Variants in AP3M1 observed in about 807,000 individuals in gnomAD.
AP3M1 encodes the protein adaptor related protein complex 3 subunit mu 1.
AP3M1 carries 29 observed loss-of-function variants against 42.6 expected under a neutral mutation model. The ratio of observed to expected loss-of-function variants is 0.68; its 90% CI spans 0.51 to 0.93. AP3M1 has a LOEUF of 0.93. AP3M1 is among the 40% of genes least tolerant of loss of function. The pLI is 0.00. For synonymous variants in AP3M1, 178 were observed against 175.3 expected (o/e 1.02, Z -0.12); for missense variants, 416 against 510.2 (o/e 0.82, Z 1.78).
Position 74,144,961 on chromosome 10 carries a change from C to G in AP3M1, c.-4+5794G>C, listed in dbSNP as rs564719642. Among the ~76,000 whole-genome samples the G allele has an allele frequency of 3.3e-5, 5 of 152,250 alleles. No homozygotes were observed. The South Asian group carries it at 6.2e-4, about 19-fold the overall frequency. Reference sequence around the variant, plus strand: ...ACAGGCATGAGCCACTGCACCCAGCCTAGCTTATGATTTAAGAGGAGGAGG... The same window carrying G: ...ACAGGCATGAGCCACTGCACCCAGCGTAGCTTATGATTTAAGAGGAGGAGG... On this transcript the variant is annotated intron_variant, in intron 1 of 8. Transcript: ENST00000355264.
In AP3M1 at chr10:74,129,114, G is replaced by A. The variant is rs1840700739; in HGVS notation, c.797C>T (p.Ser266Leu). The change falls in exon 6 of 9, where the codon TCA becomes TTA. Residue 266 changes from serine (S) to leucine (L), a missense_variant. Coordinates refer to ENST00000355264, the MANE Select transcript of AP3M1 (RefSeq NM_012095.6). ...GGCTGATGCATCAACATACTTTTGT[G>A]AGCTGACACGGTATGATATGAGTCG... ...NFRLISYRVS[S>L]QNLVAIPVYV... 1 of 1,613,952 alleles carries A rather than the reference G, an allele frequency of 6.2e-7. No homozygotes were observed.
At chr10:74,146,052 C>T (rs1208126887) in intron 1 of AP3M1, among the ~76,000 whole-genome samples, 1 of 152,132 alleles carries the variant, frequency 6.6e-6, no homozygotes, top group African/African-American at 2.4e-5. Flanking sequence ...TTCCTATACT[C>T]ACAGCATTTA....
At chr10:74,124,281 T>A (rs1840551639) in intron 8 of AP3M1, 99 bp downstream of exon 8, 6 of 1,441,072 alleles carry the variant, frequency 4.2e-6, no homozygotes, top group Non-Finnish European at 4.7e-6. Flanking sequence ...GGGCTACTGC[T>A]CTTTCTAGAG....
intron 6 of AP3M1, 41 bp from the exon 7 acceptor site, chr10:74,126,396 A>C: frequency 6.5e-7 from 1 of 1,538,152 alleles, no homozygotes; most frequent in Non-Finnish European, 9.0e-7. Flanking sequence ...GCACAAACAC[A>C]ATTAATGGTG....
chr10:74,133,972 C>CT (rs1479231300), intron 4 of AP3M1, 55 bp downstream of exon 4: 102 of 1,598,958 alleles, frequency 6.4e-5, no homozygotes, highest in Non-Finnish European at 8.4e-5. Context: ...GTTTTCTATT[C>CT]ATCTGTGTCA....
chr10:74,140,960 TG>T (rs1291924906), intron 1 of AP3M1, among the ~76,000 whole-genome samples: 1 of 152,190 alleles, frequency 6.6e-6, no homozygotes, highest in African/African-American at 2.4e-5. Flanking sequence ...GATTAGACAA[TG>T]TTTTTTAAGA....
intron 1 of AP3M1, among the ~76,000 whole-genome samples, chr10:74,148,010 T>A (rs1304750726): frequency 6.6e-6 from 1 of 150,942 alleles, no homozygotes; most frequent in East Asian, 1.9e-4. Context: ...AAAAAAAAAA[T>A]AGTTTTGGTG....
chr10:74,128,345 C>G (rs1413990796), intron 6 of AP3M1, among the ~76,000 whole-genome samples: 1 of 151,030 alleles, frequency 6.6e-6, no homozygotes, highest in Non-Finnish European at 1.5e-5. Flanking sequence ...TCAAGTGATT[C>G]TCATGCCTCA....
At chr10:74,126,518 T>C (rs1260906591) in intron 6 of AP3M1, among the ~76,000 whole-genome samples, 163 bp from the exon 7 acceptor site, 1 of 152,168 alleles carries the variant, frequency 6.6e-6, no homozygotes, top group Non-Finnish European at 1.5e-5. Flanking sequence ...CAGTTCTGCA[T>C]CCTTGAATTT....
At chr10:74,144,290 G>C (rs544289186) in intron 1 of AP3M1, among the ~76,000 whole-genome samples, 23 of 151,336 alleles carry the variant, frequency 1.5e-4, no homozygotes, top group African/African-American at 5.3e-4. Flanking sequence ...TTTGAGATAG[G>C]GTCTCGCTCT....
At chr10:74,126,007 G>A (rs1564542840) in intron 7 of AP3M1, 141 bp downstream of exon 7, 2 of 805,044 alleles carry the variant, frequency 2.5e-6, no homozygotes, top group East Asian at 5.1e-5. Context: ...AGTGGCAGAA[G>A]CACAGCACAG....
chr10:74,142,256 T>G (rs1334037491), intron 1 of AP3M1, among the ~76,000 whole-genome samples: 1 of 152,166 alleles, frequency 6.6e-6, no homozygotes, highest in African/African-American at 2.4e-5. Flanking sequence ...GGCTCAATCA[T>G]TCCAAGTAAT....
At chr10:74,124,707 G>C (rs1488878299) in intron 7 of AP3M1, among the ~76,000 whole-genome samples, 183 bp from the exon 8 acceptor site, 1 of 152,156 alleles carries the variant, frequency 6.6e-6, no homozygotes, top group Non-Finnish European at 1.5e-5. Flanking sequence ...TGGGGAGTGA[G>C]AGCAGAGAAT....
At chr10:74,143,208 G>A (rs1046646178) in intron 1 of AP3M1, among the ~76,000 whole-genome samples, 7 of 152,096 alleles carry the variant, frequency 4.6e-5, no homozygotes, top group African/African-American at 9.7e-5. Flanking sequence ...AAAATTAGCC[G>A]GGCATGGTGG....
At chr10:74,125,996 C>G in intron 7 of AP3M1, 152 bp downstream of exon 7, 1 of 725,976 alleles carries the variant, frequency 1.4e-6, no homozygotes. Flanking sequence ...CTTCTGCAGC[C>G]AGTGGCAGAA....
At chr10:74,137,812 T>C (rs560152668) in intron 2 of AP3M1, among the ~76,000 whole-genome samples, 1 of 152,344 alleles carries the variant, frequency 6.6e-6, no homozygotes, top group African/African-American at 2.4e-5. Flanking sequence ...AGTTTGTACA[T>C]GTTCAGTTCG....
chr10:74,147,975 C>T (rs377737811), intron 1 of AP3M1, among the ~76,000 whole-genome samples: 2 of 150,934 alleles, frequency 1.3e-5, no homozygotes, highest in African/African-American at 2.5e-5. Context: ...CCAGCCTGGG[C>T]GACAAGAGCA....
intron 1 of AP3M1, among the ~76,000 whole-genome samples, chr10:74,148,451 C>A (rs932326502): frequency 2.6e-5 from 4 of 152,202 alleles, no homozygotes; most frequent in Non-Finnish European, 5.9e-5. Context: ...GAGAAGTCCT[C>A]TTCTCTGTAA....
Position 74,123,919 on chromosome 10 carries a change from A to G in AP3M1, c.1157-9T>C. On this transcript the variant is annotated splice_polypyrimidine_tract_variant and intron_variant, in intron 8 of 8. Transcript: ENST00000355264. ...ACGGTTTACTTTTAAGCCTGTATCA[A>G]AAAGAATGAAAAAGAATAAATTATC... The G allele has an allele frequency of 6.3e-7, 1 of 1,592,268 alleles. No individual in the cohort carries two copies. The highest frequency in any genetic ancestry group is 1.1e-5 in the South Asian group (1 of 90,552).
Sources: gnomAD v4.1 joint callset for allele counts (sites outside exome capture counted in the v4.1 genomes callset) on GRCh38, gnomAD v4.1.1 for gene constraint, MANE v1.5 for transcripts, NCBI Gene and HGNC (gene_info 2026-07-23, HGNC 2026-07-21) for gene names.